KIAA1671: variants seen among roughly 807,000 people sequenced by gnomAD.
The protein encoded by KIAA1671 is KIAA1671.
Under a neutral mutation model 131.2 loss-of-function variants are expected in KIAA1671, and 52 were observed. The ratio of observed to expected loss-of-function variants is 0.40; its 90% confidence interval spans 0.32 to 0.50. The LOEUF is 0.50. Among genes scored for constraint, KIAA1671 ranks in the 20% least tolerant of loss-of-function variants. The probability of loss-of-function intolerance (pLI) is 0.73; values close to 1 mark genes in which losing one functional copy is unlikely to be tolerated. For missense variants in KIAA1671, 2,360 were observed against 2,364.2 expected (o/e 1.00, Z 0.04); for synonymous variants, 1,003 against 961.6 (o/e 1.04, Z -0.80).
chr22:25,120,909 C>T (rs911471500), intron 6 of KIAA1671, among the ~76,000 whole-genome samples: 4 of 152,210 alleles, frequency 2.6e-5, no homozygotes, highest in East Asian at 1.9e-4. Flanking sequence ...CCTGCAGGGG[C>T]GGGGCCTGCA....
At chr22:25,123,869 A>G (rs902045282) in intron 6 of KIAA1671, among the ~76,000 whole-genome samples, 2 of 152,244 alleles carry the variant, frequency 1.3e-5, no homozygotes, top group African/African-American at 4.8e-5. Context: ...TTTGTTACGC[A>G]GCCAGAGATA....
At chr22:25,189,314 A>G (rs998960685) in intron 11 of KIAA1671, among the ~76,000 whole-genome samples, 8 of 151,772 alleles carry the variant, frequency 5.3e-5, no homozygotes, top group Non-Finnish European at 8.8e-5. Context: ...CTGGGACTAC[A>G]GGCACCCACC....
At chr22:25,046,105 C>T (rs1371805939) in intron 5 of KIAA1671, among the ~76,000 whole-genome samples, 1 of 151,972 alleles carries the variant, frequency 6.6e-6, no homozygotes. Context: ...AGTTTGAGAC[C>T]AGCCTGGCCA....
At chr22:25,165,836 T>G in intron 6 of KIAA1671, among the ~76,000 whole-genome samples, 1 of 147,128 alleles carries the variant, frequency 6.8e-6, no homozygotes. Context: ...GAGGGAGGAA[T>G]GTGAGGGGAG....
intron 1 of KIAA1671, among the ~76,000 whole-genome samples, chr22:24,953,526 GC>G (rs981543857): frequency 1.3e-5 from 2 of 151,978 alleles, no homozygotes; most frequent in Non-Finnish European, 2.9e-5. Flanking sequence ...GGGCGGAGGC[GC>G]CCTGATGGGA....
chr22:24,981,719 G>A (rs1446975845), intron 1 of KIAA1671, among the ~76,000 whole-genome samples: 1 of 152,172 alleles, frequency 6.6e-6, no homozygotes, highest in Admixed American at 6.5e-5. Context: ...ATCAGCCTGG[G>A]CAACGTGACG....
chr22:25,099,641 G>C (rs987353777), intron 6 of KIAA1671, among the ~76,000 whole-genome samples: 9 of 142,104 alleles, frequency 6.3e-5, no homozygotes, highest in African/African-American at 2.4e-4. Context: ...TGCAACCTCT[G>C]CCTCCCGGGT....
intron 6 of KIAA1671, among the ~76,000 whole-genome samples, chr22:25,160,368 G>T (rs987267673): frequency 6.6e-6 from 1 of 152,160 alleles, no homozygotes; most frequent in Non-Finnish European, 1.5e-5. Context: ...TCATTCAGAG[G>T]CTTGGGCACC....
At chr22:24,960,269 G>A (rs1434505561) in intron 1 of KIAA1671, among the ~76,000 whole-genome samples, 1 of 151,732 alleles carries the variant, frequency 6.6e-6, no homozygotes, top group African/African-American at 2.4e-5. Context: ...AGCTGAATAA[G>A]GCCAGCTGTG....
At chr22:25,086,631 C>G (rs5760841) in intron 6 of KIAA1671, among the ~76,000 whole-genome samples, 41,135 of 152,072 alleles carry the variant, frequency 0.27, 6,888 homozygotes, top group African/African-American at 0.48. Flanking sequence ...TCGCCCATCT[C>G]CATCTGCCCC....
chr22:24,995,623 T>C (rs1024694893), intron 1 of KIAA1671, among the ~76,000 whole-genome samples: 8 of 152,216 alleles, frequency 5.3e-5, no homozygotes, highest in Non-Finnish European at 1.0e-4. Flanking sequence ...CCTCCCAAAG[T>C]GCTGGGATTA....
chr22:25,190,072 A>G (rs1178792062), intron 11 of KIAA1671, among the ~76,000 whole-genome samples: 2 of 152,298 alleles, frequency 1.3e-5, no homozygotes, highest in African/African-American at 2.4e-5. Flanking sequence ...ATTCAAACAC[A>G]TTACATTCAT....
chr22:25,051,021 C>G (rs899850717), intron 6 of KIAA1671: 21 of 152,404 alleles, frequency 1.4e-4, no homozygotes, highest in African/African-American at 5.1e-4. Flanking sequence ...CTTTCACTCT[C>G]TGTCATTGAA....
chr22:25,028,461 C>G lies in KIAA1671; in HGVS notation c.462C>G (p.Pro154=). The change falls in exon 3 of 13, where the codon CCC becomes CCG. Residue 154 remains proline (P), a synonymous_variant. Coordinates refer to ENST00000358431, the MANE Select transcript of KIAA1671 (RefSeq NM_001145206.2). ...TCTTCGAAACCACCAAAAGCGGCCC[C>G]GCTCTGGGGAAGGCGGTTAGTGAGG... ...MILFETTKSG[P]ALGKAVSEGA... 6 of 1,550,400 alleles carry G rather than the reference C, an allele frequency of 3.9e-6. No individual in the cohort carries two copies. The highest frequency in any genetic ancestry group is 3.6e-5 in the South Asian group (3 of 83,854).
At chr22:25,031,041 T>TTGTA in intron 3 of KIAA1671, among the ~76,000 whole-genome samples, 1 of 152,170 alleles carries the variant, frequency 6.6e-6, no homozygotes, top group South Asian at 2.1e-4. Flanking sequence ...TATTTTTTAT[T>TTGTA]TTTATTTATT....
Position 25,195,847 on chromosome 22 carries a change from AT to A in KIAA1671, c.*3448del, listed in dbSNP as rs1336388171. 1.3e-5 allele frequency: 2 copies of A among 152,018 alleles called. No homozygotes were observed. Among genetic ancestry groups the A allele is most frequent in the African/African-American group, 4.8e-5 (2 of 41,408 alleles). 9.4% of individuals were successfully genotyped at this position (152,018 alleles called of 1,614,324 possible). A position where few individuals can be genotyped will look rare whatever the true frequency, so the allele number is the denominator to read the frequency against. ...AAACCAGAGTAAGTGATGGGGAGAC[AT>A]TCTGTGGTCTCTGAATGTGCCTTCC... is the stretch of plus-strand genomic sequence containing the variant. On this transcript the variant is annotated 3_prime_UTR_variant, in exon 13 of 13. Coordinates refer to ENST00000358431, the MANE Select transcript of KIAA1671 (RefSeq NM_001145206.2).
chr22:25,093,746 C>CTCTCTCTTTCTCTCTCTCTCTCTG (rs1930181602), intron 6 of KIAA1671, among the ~76,000 whole-genome samples: 1 of 121,344 alleles, frequency 8.2e-6, no homozygotes, highest in Non-Finnish European at 1.7e-5. Flanking sequence ...CACTCTCTCT[C>CTCTCTCTTTCTCTCTCTCTCTCTG]TCTCTCTCTC....
Position 25,195,330 on chromosome 22 carries a change from A to G in KIAA1671, c.*2929A>G, listed in dbSNP as rs1934790436. 6.6e-6 allele frequency: 1 copy of G among 152,154 alleles called. No individual in the cohort carries two copies. The highest frequency in any genetic ancestry group is 6.5e-5 in the Admixed American group (1 of 15,272). 9.4% of individuals were successfully genotyped at this position (152,154 alleles called of 1,614,324 possible). A position where few individuals can be genotyped will look rare whatever the true frequency, so the allele number is the denominator to read the frequency against. ...AGAGGCTTTTGGCCTTTGAAAATCC[A>G]TGACAAGGCCTCAGAAATCAGTGTT... is the stretch of plus-strand genomic sequence containing the variant. On this transcript the variant is annotated 3_prime_UTR_variant, in exon 13 of 13. Transcript: ENST00000358431.
chr22:25,016,805 G>T (rs1925348055), intron 1 of KIAA1671, among the ~76,000 whole-genome samples: 1 of 152,120 alleles, frequency 6.6e-6, no homozygotes, highest in Non-Finnish European at 1.5e-5. Flanking sequence ...CAGAATTGGG[G>T]CTTCACCTGG....
Sources: allele counts gnomAD v4.1 joint callset (sites outside exome capture counted in the v4.1 genomes callset), GRCh38; gene constraint gnomAD v4.1.1; transcripts MANE v1.5; gene names NCBI Gene and HGNC (gene_info 2026-07-23, HGNC 2026-07-21).